The following ZNF846 variants were observed in gnomAD, a reference collection of about 807,000 sequenced individuals.
ZNF846 encodes the protein zinc finger protein 420 pseudogene.
In ZNF846, 15 loss-of-function variants were observed where a neutral mutation model predicts 16.0. The observed-to-expected ratio is 0.94, with a 90% confidence interval of 0.63 to 1.45. The LOEUF (loss-of-function observed/expected upper bound fraction) is 1.45. Among genes scored for constraint, ZNF846 ranks in the 40% most tolerant of loss-of-function variants. ZNF846 has a pLI of 0.00. For missense variants in ZNF846, 714 were observed against 622.3 expected, an observed-to-expected ratio of 1.15 and a Z score of -1.57; for synonymous variants, 229 against 212.0, an observed-to-expected ratio of 1.08 and a Z score of -0.70.
intron 4 of ZNF846, 38 bp downstream of exon 4, chr19:9,762,044 C>G: frequency 6.4e-7 from 1 of 1,551,836 alleles, no homozygotes; most frequent in Non-Finnish European, 8.9e-7. Context: ...TAGGGTGGCA[C>G]AGCAGTGCCA....
chr19:9,753,536 G>T (rs1402935215), downstream of ZNF846, among the ~76,000 whole-genome samples: 2 of 150,962 alleles, frequency 1.3e-5, no homozygotes, highest in Non-Finnish European at 2.9e-5. Flanking sequence ...TTACAGGTGT[G>T]AGCCACCGTG....
intron 2 of ZNF846, 41 bp from the exon 3 acceptor site, chr19:9,763,449 C>A: frequency 6.4e-7 from 1 of 1,551,696 alleles, no homozygotes; most frequent in East Asian, 2.3e-5. Flanking sequence ...TAAGTACCAT[C>A]TCCTTTGATG....
At chr19:9,784,105 G>T (rs1057287616) in intron 1 of ZNF846, among the ~76,000 whole-genome samples, 1 of 151,804 alleles carries the variant, frequency 6.6e-6, no homozygotes, top group Non-Finnish European at 1.5e-5. Context: ...GGTATTTCTC[G>T]CAAGGTGGAG....
chr19:9,761,399 C>T (rs778472474), intron 4 of ZNF846, among the ~76,000 whole-genome samples: 12 of 151,400 alleles, frequency 7.9e-5, no homozygotes, highest in Non-Finnish European at 1.6e-4. Flanking sequence ...AAGAGTTTGG[C>T]TATGTCAGAA....
chr19:9,749,680 C>T (rs2045069358), downstream of ZNF846, among the ~76,000 whole-genome samples: 1 of 151,828 alleles, frequency 6.6e-6, no homozygotes, highest in Non-Finnish European at 1.5e-5. Flanking sequence ...TGCCTCCAAT[C>T]CTTCTCTAGT....
At chr19:9,771,920 A>G (rs1211203189), upstream of ZNF846, among the ~76,000 whole-genome samples, 4 of 152,024 alleles carry the variant, frequency 2.6e-5, no homozygotes, top group Non-Finnish European at 5.9e-5. Context: ...GGTGCACACC[A>G]CCATGCCCAG....
At chr19:9,752,166 C>G (rs2045089414) in exon 6 of ZNF846, 1 of 154,306 alleles carries the variant, frequency 6.5e-6, no homozygotes, top group South Asian at 1.9e-4. Flanking sequence ...TATTTTGTAC[C>G]AATAGTCTAG....
At chr19:9,762,459 G>A (rs1008314947) in intron 3 of ZNF846, 2 of 259,220 alleles carry the variant, frequency 7.7e-6, no homozygotes, top group Non-Finnish European at 1.5e-5. Context: ...CCAACGTGGT[G>A]AAACTTCCTC....
chr19:9,766,452 C>A (rs1022969366), intron 1 of ZNF846, among the ~76,000 whole-genome samples: 4 of 149,672 alleles, frequency 2.7e-5, no homozygotes, highest in African/African-American at 9.8e-5. Flanking sequence ...TGCCACAATT[C>A]ACCCATTCTG....
intron 2 of ZNF846, 65 bp from the exon 3 acceptor site, chr19:9,763,473 G>A (rs1249277130): frequency 4.7e-6 from 7 of 1,484,158 alleles, no homozygotes; most frequent in Non-Finnish European, 6.3e-6. Flanking sequence ...TGAGAAAAAT[G>A]CATGAAGGAC....
chr19:9,760,678 G>A (rs1244088476), intron 4 of ZNF846, among the ~76,000 whole-genome samples: 1 of 151,304 alleles, frequency 6.6e-6, no homozygotes, highest in African/African-American at 2.5e-5. Flanking sequence ...TCCAGCCTGG[G>A]TGACAGAGTG....
chr19:9,783,218 CTTTTTTTTT>C (rs74183307), intron 1 of ZNF846, among the ~76,000 whole-genome samples: 1,896 of 65,410 alleles, frequency 0.029, 35 homozygotes, highest in African/African-American at 0.11. Flanking sequence ...CCCTATAATT[CTTTTTTTTT>C]TTTTTTTTTT....
chr19:9,758,615 G>A, exon 6 of ZNF846: 1 of 1,613,050 alleles, frequency 6.2e-7, no homozygotes, highest in Non-Finnish European at 8.5e-7. Context: ...TATGAGGAAA[G>A]TTCTTTCTTA....
At chr19:9,753,214 G>A (rs1000278618), downstream of ZNF846, among the ~76,000 whole-genome samples, 2 of 128,468 alleles carry the variant, frequency 1.6e-5, no homozygotes, top group Admixed American at 7.9e-5. Flanking sequence ...AAGTTGAGGA[G>A]ACAAAATTTA....
chr19:9,784,333 C>T (rs184294954), intron 1 of ZNF846, among the ~76,000 whole-genome samples: 2 of 152,166 alleles, frequency 1.3e-5, no homozygotes, highest in African/African-American at 2.4e-5. Flanking sequence ...GAGCAAAGGA[C>T]GCTATGTCAC....
chr19:9,768,523 C>A (rs1399172434), exon 1 of ZNF846: 1 of 152,278 alleles, frequency 6.6e-6, no homozygotes, highest in Non-Finnish European at 1.5e-5. Context: ...GGGAACCCCC[C>A]GCCTCGGGGT....
At chr19:9,765,919 TAAAC>T (rs1298630331) in intron 1 of ZNF846, among the ~76,000 whole-genome samples, 4 of 148,258 alleles carry the variant, frequency 2.7e-5, no homozygotes, top group African/African-American at 9.8e-5. Flanking sequence ...AATAAATAAA[TAAAC>T]AAATAAATAT....
upstream of ZNF846, chr19:9,768,814 G>GGAAT (rs1195978087): frequency 6.6e-6 from 1 of 152,292 alleles, no homozygotes; most frequent in African/African-American, 2.4e-5. Flanking sequence ...CAAGAGCTTT[G>GGAAT]GAATGAGGAT....
At chr19:9,784,267 G>A (rs975439701) in intron 1 of ZNF846, among the ~76,000 whole-genome samples, 5 of 152,216 alleles carry the variant, frequency 3.3e-5, no homozygotes, top group African/African-American at 9.6e-5. Context: ...ATCTGGGCAA[G>A]GGGGATGTGG....
Sources: gnomAD v4.1 joint callset for allele counts (sites outside exome capture counted in the v4.1 genomes callset) on GRCh38, gnomAD v4.1.1 for gene constraint, MANE v1.5 for transcripts, NCBI Gene and HGNC (gene_info 2026-07-23, HGNC 2026-07-21) for gene names.